Variants in CNTN5 observed in about 807,000 individuals in gnomAD.
CNTN5 encodes the protein contactin 5.
CNTN5 carries 77 observed loss-of-function variants against 129.1 expected under a neutral mutation model. The ratio of observed to expected loss-of-function variants is 0.60; its 90% CI spans 0.50 to 0.72. The LOEUF is 0.72. Among genes scored for constraint, CNTN5 ranks in the 30% least tolerant of loss-of-function variants. The probability of loss-of-function intolerance (pLI) is 0.00; values close to 1 mark genes in which losing one functional copy is unlikely to be tolerated. For missense variants in CNTN5, 1,478 were observed against 1,328.8 expected, an observed-to-expected ratio of 1.11 and a Z score of -1.75; for synonymous variants, 509 against 465.6, an observed-to-expected ratio of 1.09 and a Z score of -1.20.
chr11:100,021,605 T>G (rs558095521), intron 9 of CNTN5, among the ~76,000 whole-genome samples: 2 of 152,300 alleles, frequency 1.3e-5, no homozygotes, highest in African/African-American at 4.8e-5. Flanking sequence ...AAAATCAACT[T>G]TGTCTGATAT....
chr11:99,745,212 C>A (rs1944015729), intron 3 of CNTN5, among the ~76,000 whole-genome samples: 2 of 152,114 alleles, frequency 1.3e-5, no homozygotes, highest in South Asian at 2.1e-4. Context: ...TGAATTAGAA[C>A]AATGGTAAAA....
At chr11:100,152,413 A>G (rs1446786698) in intron 13 of CNTN5, among the ~76,000 whole-genome samples, 41 of 152,140 alleles carry the variant, frequency 2.7e-4, no homozygotes, top group Admixed American at 2.7e-3. Flanking sequence ...CGTACTGCCA[A>G]AACAAAGCAA....
At chr11:99,699,928 G>C (rs981638231) in intron 3 of CNTN5, among the ~76,000 whole-genome samples, 9 of 151,326 alleles carry the variant, frequency 5.9e-5, no homozygotes, top group African/African-American at 2.2e-4. Flanking sequence ...ATTCCACTGA[G>C]AGCACTTTGC....
At chr11:99,039,249 C>A (rs1006494161) in intron 1 of CNTN5, among the ~76,000 whole-genome samples, 2 of 152,084 alleles carry the variant, frequency 1.3e-5, no homozygotes, top group Admixed American at 1.3e-4. Flanking sequence ...CAAAGCACTT[C>A]TCAGCTTTTC....
At chr11:100,208,405 G>C (rs1199268558) in intron 15 of CNTN5, among the ~76,000 whole-genome samples, 1 of 152,128 alleles carries the variant, frequency 6.6e-6, no homozygotes, top group Non-Finnish European at 1.5e-5. Context: ...GCTGGAGGAA[G>C]TGAGCCACAT....
intron 1 of CNTN5, among the ~76,000 whole-genome samples, chr11:99,162,254 TG>T (rs758634686): frequency 2.5e-4 from 37 of 150,252 alleles, no homozygotes; most frequent in Non-Finnish European, 3.7e-4. Context: ...AAGAGAAAGT[TG>T]GCTTGAGGGT....
At chr11:100,228,106 TC>T (rs1387157728) in intron 16 of CNTN5, among the ~76,000 whole-genome samples, 2 of 152,358 alleles carry the variant, frequency 1.3e-5, no homozygotes, top group East Asian at 3.9e-4. Context: ...GCACTATCTT[TC>T]TATTCAGAAG....
intron 13 of CNTN5, among the ~76,000 whole-genome samples, chr11:100,084,790 A>G (rs764419827): frequency 6.6e-6 from 1 of 152,140 alleles, no homozygotes; most frequent in Non-Finnish European, 1.5e-5. Context: ...CAAGATACCA[A>G]TATGATTTTG....
At chr11:99,905,579 C>T (rs896793653) in intron 6 of CNTN5, among the ~76,000 whole-genome samples, 2 of 152,112 alleles carry the variant, frequency 1.3e-5, no homozygotes, top group African/African-American at 4.8e-5. Context: ...AGCATGATGC[C>T]TCCAGCTTTG....
In CNTN5 at chr11:100,307,644, G is replaced by T. The variant is rs1951382934; in HGVS notation, c.2621-715G>T. Among the ~76,000 whole-genome samples the T allele has an allele frequency of 2.0e-5, 3 of 151,680 alleles. No individual in the cohort carries two copies. The South Asian group carries it at 6.2e-4, about 31-fold the overall frequency. ...GCACCTGTCTTAAAAGTCAATGCAT[G>T]CCTTTTAAATATCATGATTCATAAC... On this transcript the variant is annotated intron_variant, in intron 20 of 24. Transcript: ENST00000524871.
rs553608121 is a variant in CNTN5 at position 100,161,533 on chromosome 11, A to G, written c.1581-29593A>G. ...TCAATATTCTTACTAGTAAATGCATATTGTAAGTAACTTTACAGAGAGAAT... is the reference window on the plus strand; with the variant it reads ...TCAATATTCTTACTAGTAAATGCATGTTGTAAGTAACTTTACAGAGAGAAT... On this transcript the variant is annotated intron_variant, in intron 13 of 24. Transcript: ENST00000524871. Among the ~76,000 whole-genome samples the G allele has an allele frequency of 2.0e-5, 3 of 151,942 alleles. No individual in the cohort carries two copies. In the East Asian group the frequency reaches 5.8e-4, roughly 30 times the overall value.
intron 9 of CNTN5, among the ~76,000 whole-genome samples, chr11:100,055,605 T>C (rs1365514119): frequency 6.6e-6 from 1 of 151,602 alleles, no homozygotes. Context: ...ATATTGAACA[T>C]AATTGTTCCA....
intron 2 of CNTN5, among the ~76,000 whole-genome samples, chr11:99,538,493 C>A (rs928311119): frequency 6.6e-6 from 1 of 152,080 alleles, no homozygotes; most frequent in African/African-American, 2.4e-5. Flanking sequence ...ATTTTTACTG[C>A]CGGTTTTAAT....
At chr11:99,255,686 T>G (rs1223921916) in intron 1 of CNTN5, among the ~76,000 whole-genome samples, 2 of 151,466 alleles carry the variant, frequency 1.3e-5, no homozygotes, top group Non-Finnish European at 2.9e-5. Context: ...TCATAGTAAG[T>G]ATGAATTAAA....
At chr11:99,720,002 A>G (rs1316220776) in intron 3 of CNTN5, among the ~76,000 whole-genome samples, 1 of 152,128 alleles carries the variant, frequency 6.6e-6, no homozygotes, top group African/African-American at 2.4e-5. Flanking sequence ...CCCTGAATAG[A>G]CCCAATAACA....
chr11:100,118,737 A>G (rs962569929), intron 13 of CNTN5, among the ~76,000 whole-genome samples: 3 of 151,942 alleles, frequency 2.0e-5, no homozygotes, highest in African/African-American at 7.2e-5. Flanking sequence ...GGAGTACAAT[A>G]AGCCATTTTA....
At chr11:100,293,106 C>A (rs188610247) in intron 18 of CNTN5, among the ~76,000 whole-genome samples, 231 of 151,874 alleles carry the variant, frequency 1.5e-3, no homozygotes, top group Non-Finnish European at 2.5e-3. Flanking sequence ...TTTCTTCTTG[C>A]CTTTTCTTTC....
At chr11:99,387,708 C>T (rs1165116250) in intron 2 of CNTN5, among the ~76,000 whole-genome samples, 1 of 152,128 alleles carries the variant, frequency 6.6e-6, no homozygotes, top group Non-Finnish European at 1.5e-5. Flanking sequence ...CACAAGGACC[C>T]TCTGACTCCA....
chr11:99,549,323 G>A (rs1948405099), intron 2 of CNTN5, among the ~76,000 whole-genome samples: 1 of 151,920 alleles, frequency 6.6e-6, no homozygotes, highest in South Asian at 2.1e-4. Flanking sequence ...ACTCTTTTAT[G>A]AATGGAGTAT....
Sources: allele counts gnomAD v4.1 joint callset (sites outside exome capture counted in the v4.1 genomes callset), GRCh38; gene constraint gnomAD v4.1.1; transcripts MANE v1.5; gene names NCBI Gene and HGNC (gene_info 2026-07-23, HGNC 2026-07-21).